The following PSME4 variants were observed in gnomAD, a reference collection of about 807,000 sequenced individuals.
PSME4 encodes the protein proteasome activator subunit 4, also known as proteasome activator complex subunit 4.
PSME4 carries 89 observed loss-of-function variants against 253.9 expected under a neutral mutation model. That is an observed-to-expected ratio of 0.35 (90% confidence interval 0.30 to 0.42). The LOEUF (loss-of-function observed/expected upper bound fraction) is 0.42, where lower values mean the gene tolerates loss of function less well. Ranked by LOEUF, PSME4 falls within the 10% of genes least tolerant of loss-of-function variation. The probability of loss-of-function intolerance (pLI) is 1.00; values close to 1 mark genes in which losing one functional copy is unlikely to be tolerated. For missense variants in PSME4, 2,014 were observed against 2,195.2 expected (o/e 0.92, Z 1.65); for synonymous variants, 851 against 759.2 (o/e 1.12, Z -1.99).
At chr2:53,879,816 A>AAAAAAGG (rs1679297760) in intron 41 of PSME4, among the ~76,000 whole-genome samples, 1 of 151,780 alleles carries the variant, frequency 6.6e-6, no homozygotes, top group Non-Finnish European at 1.5e-5. Flanking sequence ...AAAAAAAAAA[A>AAAAAAGG]AAAAGGAAAA....
At chr2:53,922,994 C>A in intron 16 of PSME4, 55 bp downstream of exon 16, 4 of 1,319,500 alleles carry the variant, frequency 3.0e-6, no homozygotes, top group South Asian at 1.7e-5. Context: ...TTTTAGAAAC[C>A]AAGAAAAAAA....
chr2:53,956,136 A>AAAAAC (rs988983860), intron 1 of PSME4, among the ~76,000 whole-genome samples: 3 of 152,170 alleles, frequency 2.0e-5, no homozygotes, highest in South Asian at 2.1e-4. Flanking sequence ...TTTAAAAATT[A>AAAAAC]AAAACAAAAC....
At chr2:53,935,191 A>C (rs1558699740) in intron 7 of PSME4, among the ~76,000 whole-genome samples, 1 of 152,158 alleles carries the variant, frequency 6.6e-6, no homozygotes, top group Non-Finnish European at 1.5e-5. Context: ...TGGTGATTTG[A>C]TTTTTCCCTA....
Position 53,902,958 on chromosome 2 carries a change from C to G in PSME4, c.3075+1067G>C, listed in dbSNP as rs542502481. ...TCATTATCTCCAAAAAACAATGACT[C>G]TACTCACTGAGTCTTCCTTCTAGAA... On this transcript the variant is annotated intron_variant, in intron 27 of 46. Transcript: ENST00000404125. Among the ~76,000 whole-genome samples, 36 of 152,284 alleles carry G rather than the reference C, an allele frequency of 2.4e-4. No individual in the cohort carries two copies. In the South Asian group the frequency reaches 7.3e-3, roughly 31 times the overall value.
intron 32 of PSME4, among the ~76,000 whole-genome samples, chr2:53,896,314 C>T (rs953105685): frequency 2.0e-5 from 3 of 152,136 alleles, no homozygotes; most frequent in Non-Finnish European, 4.4e-5. Context: ...AAAACATTTT[C>T]TTCTGGACTA....
chr2:53,882,184 T>A (rs1369775437), intron 41 of PSME4, among the ~76,000 whole-genome samples: 1 of 152,136 alleles, frequency 6.6e-6, no homozygotes, highest in African/African-American at 2.4e-5. Context: ...CATTTTCACT[T>A]CTGGTGATTT....
chr2:53,905,323 C>A (rs1452112268), intron 26 of PSME4, among the ~76,000 whole-genome samples: 3 of 151,950 alleles, frequency 2.0e-5, no homozygotes, highest in African/African-American at 4.8e-5. Flanking sequence ...AGCCACCACA[C>A]CCGGCCTCAA....
chr2:53,897,530 C>G (rs1056863391), intron 31 of PSME4, among the ~76,000 whole-genome samples: 16 of 152,158 alleles, frequency 1.1e-4, no homozygotes, highest in African/African-American at 3.6e-4. Flanking sequence ...TCTCCCCAAC[C>G]CCCACCTCAC....
At chr2:53,924,714 G>A (rs550245160) in intron 14 of PSME4, among the ~76,000 whole-genome samples, 3 of 152,166 alleles carry the variant, frequency 2.0e-5, no homozygotes, top group Admixed American at 1.3e-4. Flanking sequence ...ATGTTCCTGT[G>A]CTGCACCCAT....
rs1347379502 is a variant in PSME4, at chr2:53,896,863, C to A, written c.3629G>T (p.Gly1210Val). Residue 1210 changes from glycine to valine, a missense_variant, in exon 32 of 47, where the codon GGT becomes GTT. Coordinates refer to ENST00000404125, the MANE Select transcript of PSME4 (RefSeq NM_014614.3). ...VRKMAISAVA[G>V]ILKQLKRTHK... ...GGTTCTTTTTAGCTGTTTAAGGATA[C>A]CAGCAACAGCTGAGATAGCCATCTA... 6.2e-7 allele frequency: 1 copy of A among 1,611,934 alleles called. No homozygotes were observed. Among genetic ancestry groups the A allele is most frequent in the African/African-American group, 1.3e-5 (1 of 74,794 alleles).
chr2:53,872,352 A>T (rs1203762191), intron 43 of PSME4, among the ~76,000 whole-genome samples: 1 of 152,142 alleles, frequency 6.6e-6, no homozygotes, highest in Non-Finnish European at 1.5e-5. Flanking sequence ...TTTTCCCCAT[A>T]CTATCAACGA....
intron 42 of PSME4, 39 bp downstream of exon 42, chr2:53,875,588 A>C: frequency 1.3e-6 from 2 of 1,570,058 alleles, no homozygotes; most frequent in Admixed American, 3.9e-5. Context: ...GTAAACCAAA[A>C]TCCTAATCAA....
At chr2:53,935,765 G>A (rs968421373) in intron 7 of PSME4, among the ~76,000 whole-genome samples, 1 of 151,956 alleles carries the variant, frequency 6.6e-6, no homozygotes, top group African/African-American at 2.4e-5. Context: ...ACCCAGCCCT[G>A]TAAATTATTT....
chr2:53,922,914 G>C, intron 16 of PSME4, 135 bp downstream of exon 16: 1 of 729,412 alleles, frequency 1.4e-6, no homozygotes, highest in Non-Finnish European at 2.1e-6. Flanking sequence ...ATCTTTTTTG[G>C]AGACAAATTT....
intron 41 of PSME4, among the ~76,000 whole-genome samples, chr2:53,877,482 T>C (rs1679190823): frequency 6.6e-6 from 1 of 151,928 alleles, no homozygotes; most frequent in African/African-American, 2.4e-5. Flanking sequence ...TCATAGTGAA[T>C]TAATACACTC....
intron 20 of PSME4, among the ~76,000 whole-genome samples, chr2:53,911,477 A>C (rs1667825017): frequency 2.0e-5 from 3 of 152,284 alleles, no homozygotes; most frequent in African/African-American, 7.2e-5. Context: ...GTAAAAAATA[A>C]AATCAGATTC....
chr2:53,874,625 G>C (rs1231993044), intron 42 of PSME4, 131 bp from the exon 43 acceptor site: 11 of 942,474 alleles, frequency 1.2e-5, no homozygotes, highest in Non-Finnish European at 1.7e-5. Context: ...GTTAGGACAA[G>C]CTCATATTTC....
intron 36 of PSME4, 115 bp downstream of exon 36, chr2:53,892,693 A>T (rs980999622): frequency 2.1e-6 from 2 of 945,412 alleles, no homozygotes; most frequent in Non-Finnish European, 3.1e-6. Flanking sequence ...GGCATATTTC[A>T]TATCACTGAA....
chr2:53,915,977 A>G (rs953760543), intron 20 of PSME4, among the ~76,000 whole-genome samples: 17 of 152,164 alleles, frequency 1.1e-4, no homozygotes, highest in Non-Finnish European at 2.1e-4. Flanking sequence ...TGAGAATGTG[A>G]GGCAGGATAA....
Sources: gnomAD v4.1 joint callset for allele counts (sites outside exome capture counted in the v4.1 genomes callset) on GRCh38, gnomAD v4.1.1 for gene constraint, MANE v1.5 for transcripts, NCBI Gene and HGNC (gene_info 2026-07-23, HGNC 2026-07-21) for gene names.